Variants in PLCB1 observed in about 807,000 individuals in gnomAD.
The protein encoded by PLCB1 is 1-phosphatidylinositol 4,5-bisphosphate phosphodiesterase beta-1.
Under a neutral mutation model 161.8 loss-of-function variants are expected in PLCB1, and 46 were observed. The observed-to-expected ratio is 0.28, with a 90% CI of 0.22 to 0.36. The LOEUF (loss-of-function observed/expected upper bound fraction) is 0.36. Ranked by LOEUF, PLCB1 falls within the 10% of genes least tolerant of loss-of-function variation. The probability of loss-of-function intolerance (pLI) is 1.00; values close to 1 mark genes in which losing one functional copy is unlikely to be tolerated. For missense variants in PLCB1, 1,016 were observed against 1,472.5 expected (o/e 0.69, Z 5.07); for synonymous variants, 517 against 503.7 (o/e 1.03, Z -0.35).
At chr20:8,868,717 C>T (rs549737591) in intron 31 of PLCB1, among the ~76,000 whole-genome samples, 42 of 152,270 alleles carry the variant, frequency 2.8e-4, no homozygotes, top group African/African-American at 9.9e-4. Flanking sequence ...CTTCAACCTC[C>T]GCCTCCCAGG....
rs372097607 is a variant in PLCB1, at chr20:8,658,569, G to A, written c.727G>A (p.Asp243Asn). ...AAAAAGCAAACCATATCTTACCGTTGATCAGATGATGGATTTTATCAACCT... is the reference window on the plus strand; with the variant it reads ...AAAAAGCAAACCATATCTTACCGTTAATCAGATGATGGATTTTATCAACCT... ...GAKSKPYLTV[D>N]QMMDFINLKQ... is the part of the protein sequence containing the mutation. The change falls in exon 9 of 32, where the codon GAT (aspartate) becomes AAT (asparagine). Residue 243 changes from aspartate (D) to asparagine (N), a missense_variant. By Grantham distance (23) the Asp-to-Asn change is conservative. Around this residue, in one of 10 missense-constraint regions of PLCB1, gnomAD observed 117 missense variants for 142.2 expected, o/e 0.82. Transcript: ENST00000338037. 5.6e-6 allele frequency: 9 copies of A among 1,611,186 alleles called. No individual in the cohort carries two copies. The highest frequency in any genetic ancestry group is 7.6e-6 in the Non-Finnish European group (9 of 1,178,924).
chr20:8,261,739 T>C (rs2719786), intron 2 of PLCB1, among the ~76,000 whole-genome samples: 3,318 of 152,202 alleles, frequency 0.022, 108 homozygotes, highest in African/African-American at 0.074. Flanking sequence ...CTAAAACAAT[T>C]GAAAGGACAA....
In PLCB1 at chr20:8,751,465, T is replaced by C. The variant is rs1981477968; in HGVS notation, c.2524-5581T>C. The C allele has an allele frequency of 2.0e-5, 3 of 152,224 alleles. No homozygotes were observed. The South Asian group carries it at 6.2e-4, about 32-fold the overall frequency. The allele number at this position is 152,224 out of a possible 1,614,324, so 9.4% of individuals were successfully genotyped here. A position where few individuals can be genotyped will look rare whatever the true frequency, so the allele number is the denominator to read the frequency against. ...AGCACATCAAATGGCTTTTCCTCCT[T>C]CTATAGAACTTATAAAAATGATCTT... On this transcript the variant is annotated intron_variant, in intron 23 of 31. Coordinates refer to ENST00000338037, the MANE Select transcript of PLCB1 (RefSeq NM_015192.4).
At chr20:8,148,353 A>C (rs2123028784) in intron 1 of PLCB1, among the ~76,000 whole-genome samples, 1 of 152,308 alleles carries the variant, frequency 6.6e-6, no homozygotes, top group African/African-American at 2.4e-5. Flanking sequence ...TTTATTTCCA[A>C]ATGTCTTTTT....
rs540829088 is a variant in PLCB1, at chr20:8,481,877, C to G, written c.246+110427C>G. Among the ~76,000 whole-genome samples, 8 of 151,984 alleles carry G rather than the reference C, an allele frequency of 5.3e-5. No homozygotes were observed. The South Asian group carries it at 1.7e-3, about 32-fold the overall frequency. On this transcript the variant is annotated intron_variant, in intron 3 of 31. Coordinates refer to ENST00000338037, the MANE Select transcript of PLCB1 (RefSeq NM_015192.4). ...AGTCATGATTTTTTTTTTCCCCAAG[C>G]TGGAGTTGAAATCTACTTGAATATC...
chr20:8,409,109 C>A (rs976994707), intron 3 of PLCB1, among the ~76,000 whole-genome samples: 2 of 152,068 alleles, frequency 1.3e-5, no homozygotes, highest in African/African-American at 4.8e-5. Context: ...CCATGTGTTC[C>A]CAACTAAATT....
intron 3 of PLCB1, among the ~76,000 whole-genome samples, chr20:8,558,025 G>GGTAGGGAGGTGGAGGGGGAA (rs1986018947): frequency 6.6e-6 from 1 of 151,654 alleles, no homozygotes; most frequent in Non-Finnish European, 1.5e-5. Context: ...AAGGATAATG[G>GGTAGGGAGGTGGAGGGGGAA]GTAGGGAGGT....
intron 3 of PLCB1, among the ~76,000 whole-genome samples, chr20:8,562,634 C>T (rs919741367): frequency 2.0e-5 from 3 of 152,004 alleles, no homozygotes; most frequent in Non-Finnish European, 4.4e-5. Context: ...AGTACACTGG[C>T]GCTCCTCTGT....
At chr20:8,519,510 GCTCT>G in intron 3 of PLCB1, among the ~76,000 whole-genome samples, 1 of 152,186 alleles carries the variant, frequency 6.6e-6, no homozygotes, top group South Asian at 2.1e-4. Flanking sequence ...CATCCTGCCT[GCTCT>G]CTCTCCCCCA....
At chr20:8,508,313 T>C (rs1217606267) in intron 3 of PLCB1, among the ~76,000 whole-genome samples, 1 of 152,216 alleles carries the variant, frequency 6.6e-6, no homozygotes, top group Non-Finnish European at 1.5e-5. Context: ...GCTGCGTCCA[T>C]CCCAGTTTTG....
Position 8,339,883 on chromosome 20 carries a change from C to A in PLCB1, c.178-31499C>A, listed in dbSNP as rs150432538. Among the ~76,000 whole-genome samples the A allele has an allele frequency of 3.9e-5, 6 of 152,196 alleles. No homozygotes were observed. The East Asian group carries it at 9.7e-4, about 25-fold the overall frequency. ...CTTTGGGGGGCCAAGATGGGAGGAT[C>A]GCTTGAGGTCGGGAGTTCAAGGCTG... On this transcript the variant is annotated intron_variant, in intron 2 of 31. Coordinates refer to ENST00000338037, the MANE Select transcript of PLCB1 (RefSeq NM_015192.4).
intron 26 of PLCB1, among the ~76,000 whole-genome samples, chr20:8,772,206 CCT>C (rs1489878333): frequency 2.0e-5 from 3 of 151,928 alleles, no homozygotes. Context: ...TCTGTCTTTC[CCT>C]GTTTCCTACA....
At chr20:8,758,402 G>A (rs1981848802) in intron 24 of PLCB1, among the ~76,000 whole-genome samples, 1 of 151,874 alleles carries the variant, frequency 6.6e-6, no homozygotes, top group Non-Finnish European at 1.5e-5. Context: ...CCAACATGGT[G>A]AAACCCCCAT....
chr20:8,356,349 C>T (rs1443032091), intron 2 of PLCB1, among the ~76,000 whole-genome samples: 2 of 152,082 alleles, frequency 1.3e-5, no homozygotes. Context: ...ATTGCTAGGT[C>T]CCAACCTCTG....
rs753642857 is a variant in PLCB1 at position 8,757,081 on chromosome 20, T to A, written c.2559T>A (p.Ser853Arg). ...GAGAAACACCATCAGAGGCTCCAAG[T>A]GAAGCGAGAACGACTCCAGCAGAAA... ...DPGETPSEAP[S>R]EARTTPAENG... The change falls in exon 24 of 32, where the codon AGT (serine) becomes AGA (arginine). Residue 853 changes from serine (S) to arginine (R), a missense_variant. Ser to Arg is a moderately radical substitution (Grantham distance 110). Transcript: ENST00000338037. 6.2e-7 allele frequency: 1 copy of A among 1,612,886 alleles called. No homozygotes were observed. The highest frequency in any genetic ancestry group is 1.3e-5 in the African/African-American group (1 of 74,874).
intron 3 of PLCB1, among the ~76,000 whole-genome samples, chr20:8,580,366 T>A (rs1421558931): frequency 1.3e-5 from 2 of 152,242 alleles, no homozygotes; most frequent in Non-Finnish European, 2.9e-5. Context: ...GCTGTGATAA[T>A]GATACAATGA....
chr20:8,620,727 ACT>A (rs1395901156), intron 3 of PLCB1, among the ~76,000 whole-genome samples: 5 of 140,738 alleles, frequency 3.6e-5, no homozygotes, highest in Non-Finnish European at 7.6e-5. Context: ...TGACAGAGAA[ACT>A]CTGTCCCCTG....
chr20:8,294,635 C>A (rs1293627123), intron 2 of PLCB1, among the ~76,000 whole-genome samples: 2 of 150,150 alleles, frequency 1.3e-5, no homozygotes, highest in South Asian at 2.1e-4. Context: ...ACTAGCAGAG[C>A]ACAAGCACTC....
At position 8,717,751 on chromosome 20, in the gene PLCB1, G is replaced by A. The variant is rs201789409; in HGVS notation, c.1416G>A (p.Lys472=). 20 of 1,613,706 alleles carry A rather than the reference G, an allele frequency of 1.2e-5. No individual in the cohort carries two copies. Among genetic ancestry groups the A allele is most frequent in the Middle Eastern group, 1.7e-4 (1 of 6,056 alleles). Residue 472 remains lysine (K), a synonymous_variant, in exon 14 of 32, where the codon AAG becomes AAA. Coordinates refer to ENST00000338037, the MANE Select transcript of PLCB1 (RefSeq NM_015192.4). ...TGAAAAATAAGAAGAAATCACACAA[G>A]TCATCAGAAGGAAGCGGCAAAAAGA... The part of the protein sequence containing the change: ...ILVKNKKKSH[K]SSEGSGKKKL...
Sources: allele counts gnomAD v4.1 joint callset (sites outside exome capture counted in the v4.1 genomes callset), GRCh38; gene constraint gnomAD v4.1.1; regional missense constraint gnomAD v4.1.1; transcripts MANE v1.5; gene names NCBI Gene and HGNC (gene_info 2026-07-23, HGNC 2026-07-21).